Variants in SEMA3A observed in about 807,000 individuals in gnomAD.
The protein encoded by SEMA3A is semaphorin 3A, also known as semaphorin-3A.
SEMA3A carries 29 observed loss-of-function variants against 97.9 expected under a neutral mutation model. The ratio of observed to expected loss-of-function variants is 0.30; its 90% CI spans 0.22 to 0.40. The LOEUF (loss-of-function observed/expected upper bound fraction) is 0.40, where lower values mean the gene tolerates loss of function less well. SEMA3A is among the 10% of genes least tolerant of loss of function. SEMA3A has a pLI of 1.00. For synonymous variants in SEMA3A, 321 were observed against 323.7 expected (o/e 0.99, Z 0.09); for missense variants, 763 against 951.3 (o/e 0.80, Z 2.60).
At chr7:84,401,841 A>G (rs1008166185) in intron 1 of SEMA3A, among the ~76,000 whole-genome samples, 2 of 152,206 alleles carry the variant, frequency 1.3e-5, no homozygotes, top group Non-Finnish European at 2.9e-5. Context: ...TTTATCTGTC[A>G]TCATATAAAA....
intron 3 of SEMA3A, among the ~76,000 whole-genome samples, chr7:84,117,474 G>A (rs2040871): frequency 0.49 from 73,823 of 151,994 alleles, 19,145 homozygotes; most frequent in East Asian, 0.69. Flanking sequence ...TCAGGGTCCT[G>A]TTAAGAACAG....
intron 2 of SEMA3A, among the ~76,000 whole-genome samples, chr7:84,343,578 G>A (rs2115995772): frequency 6.6e-6 from 1 of 152,260 alleles, no homozygotes; most frequent in African/African-American, 2.4e-5. Flanking sequence ...ACTCTCTAAG[G>A]GAAATGTGTC....
At chr7:84,028,980 T>C (rs1383599218) in intron 6 of SEMA3A, among the ~76,000 whole-genome samples, 1 of 152,162 alleles carries the variant, frequency 6.6e-6, no homozygotes, top group East Asian at 1.9e-4. Flanking sequence ...TTCTATATTA[T>C]TGATTGACTG....
intron 1 of SEMA3A, among the ~76,000 whole-genome samples, chr7:84,405,930 G>C (rs1634613): frequency 0.53 from 80,569 of 151,628 alleles, 22,938 homozygotes; most frequent in East Asian, 0.91. Context: ...GCACTAAATG[G>C]CCACAAGAGA....
chr7:84,084,305 A>T (rs906313298), intron 4 of SEMA3A, among the ~76,000 whole-genome samples: 1 of 152,084 alleles, frequency 6.6e-6, no homozygotes, highest in Non-Finnish European at 1.5e-5. Context: ...TTAGTCTTTG[A>T]AATTATTTTG....
chr7:83,970,951 C>T (rs1394153226), intron 15 of SEMA3A, among the ~76,000 whole-genome samples: 31 of 152,094 alleles, frequency 2.0e-4, no homozygotes, highest in Admixed American at 2.0e-3. Flanking sequence ...TGATTTTCTG[C>T]AGAAATACAA....
Position 84,463,237 on chromosome 7 carries a change from C to CTTTTTTTTTTT in SEMA3A, c.-246+29212_-246+29222dup, listed in dbSNP as rs59465422. Among the ~76,000 whole-genome samples the CTTTTTTTTTTT allele has an allele frequency of 1.2e-3, 85 of 71,360 alleles. 12 individuals carry two copies. Among genetic ancestry groups the CTTTTTTTTTTT allele is most frequent in the East Asian group, 7.9e-3 (27 of 3,430 alleles). The allele number at this position is 71,360 out of a possible 152,430, so 46.8% of individuals were successfully genotyped here. A position where few individuals can be genotyped will look rare whatever the true frequency, so the allele number is the denominator to read the frequency against. ...ATTACTTTAGTATTTTGTAACTATT[C>CTTTTTTTTTTT]TTTTTTTTTTTTTTTTTTTTTTTTT... On this transcript the variant is annotated intron_variant, in intron 1 of 3. Transcript: ENST00000424555.
At chr7:84,374,519 C>T (rs997237804) in intron 1 of SEMA3A, among the ~76,000 whole-genome samples, 2 of 152,138 alleles carry the variant, frequency 1.3e-5, no homozygotes, top group Non-Finnish European at 2.9e-5. Flanking sequence ...AGGACAATGA[C>T]CATCTAGTTT....
chr7:84,370,832 A>G (rs1802955201), intron 2 of SEMA3A, among the ~76,000 whole-genome samples: 1 of 151,572 alleles, frequency 6.6e-6, no homozygotes, highest in African/African-American at 2.4e-5. Context: ...TTAATATAGC[A>G]TGTTCTAAGG....
intron 3 of SEMA3A, among the ~76,000 whole-genome samples, chr7:84,252,674 C>G (rs977752): frequency 1.3e-5 from 2 of 151,966 alleles, no homozygotes; most frequent in East Asian, 3.9e-4. Context: ...TAAAAGCTTC[C>G]GCTATATAGT....
intron 6 of SEMA3A, among the ~76,000 whole-genome samples, chr7:84,040,983 G>C (rs1792116314): frequency 6.6e-6 from 1 of 151,812 alleles, no homozygotes; most frequent in African/African-American, 2.4e-5. Context: ...TTCAAAGTAA[G>C]AAATTCAAAA....
chr7:84,134,900 G>A lies in SEMA3A; in HGVS notation c.164C>T (p.Ser55Phe), dbSNP rs373386908. 1 of 1,613,876 alleles carries A rather than the reference G, an allele frequency of 6.2e-7. No homozygotes were observed. Among genetic ancestry groups the A allele is most frequent in the Non-Finnish European group, 8.5e-7 (1 of 1,179,904 alleles). Residue 55 changes from serine (S) to phenylalanine (F), a missense_variant, in exon 2 of 17, where the codon TCC (serine) becomes TTC (phenylalanine). By Grantham distance (155) the Ser-to-Phe change is radical. Transcript: ENST00000265362. ...VITFNGLANS[S>F]SYHTFLLDEE... ...ATCCAAAAGGAAGGTATGATAACTGGAGCTGTTGGCCAAGCCATTGAAAGT... is the reference window on the plus strand; with the variant it reads ...ATCCAAAAGGAAGGTATGATAACTGAAGCTGTTGGCCAAGCCATTGAAAGT...
intron 4 of SEMA3A, among the ~76,000 whole-genome samples, chr7:84,109,455 C>G (rs941992491): frequency 2.0e-5 from 3 of 152,104 alleles, no homozygotes; most frequent in Non-Finnish European, 2.9e-5. Flanking sequence ...TGTGTTTAGT[C>G]TAGAAACCAC....
At chr7:83,978,592 C>T (rs368190830) in intron 14 of SEMA3A, among the ~76,000 whole-genome samples, 3 of 152,096 alleles carry the variant, frequency 2.0e-5, no homozygotes, top group African/African-American at 7.2e-5. Context: ...TCACAAAGGC[C>T]GTTGAGAATT....
chr7:84,194,422 G>T, intron 1 of SEMA3A, 53 bp downstream of exon 1: 2 of 217,004 alleles, frequency 9.2e-6, no homozygotes, highest in South Asian at 5.9e-5. Flanking sequence ...AAGGAATTAA[G>T]GGGGGGGGCG....
chr7:83,971,466 A>C (rs1788911183), intron 15 of SEMA3A, among the ~76,000 whole-genome samples: 1 of 152,078 alleles, frequency 6.6e-6, no homozygotes, highest in Non-Finnish European at 1.5e-5. Context: ...CTATTTAATA[A>C]TATCATATAT....
chr7:83,979,325 G>T (rs1172309306), intron 14 of SEMA3A, among the ~76,000 whole-genome samples: 1 of 151,930 alleles, frequency 6.6e-6, no homozygotes, highest in African/African-American at 2.4e-5. Flanking sequence ...GTAGAGATGG[G>T]GTTTCACCAT....
chr7:84,401,505 A>C (rs80035603), intron 1 of SEMA3A, among the ~76,000 whole-genome samples: 9 of 151,952 alleles, frequency 5.9e-5, no homozygotes, highest in Non-Finnish European at 8.8e-5. Context: ...AAAAAAAAAA[A>C]ACACTAAAAT....
chr7:84,212,353 T>A (rs1798648735), intron 3 of SEMA3A, among the ~76,000 whole-genome samples: 1 of 152,226 alleles, frequency 6.6e-6, no homozygotes, highest in Non-Finnish European at 1.5e-5. Flanking sequence ...ATCATCACCA[T>A]ATTGGGGAAA....
Sources: allele counts gnomAD v4.1 joint callset (sites outside exome capture counted in the v4.1 genomes callset), GRCh38; gene constraint gnomAD v4.1.1; transcripts MANE v1.5; gene names NCBI Gene and HGNC (gene_info 2026-07-23, HGNC 2026-07-21).